ALG13: variants seen among roughly 807,000 people sequenced by gnomAD.
ALG13 encodes the protein ALG13 UDP-N-acetylglucosaminyltransferase subunit, also known as UDP-N-acetylglucosamine transferase subunit ALG13.
A neutral mutation model predicts 87.8 loss-of-function variants in ALG13; 11 were observed. The observed-to-expected ratio is 0.13, with a 90% confidence interval of 0.08 to 0.21. The LOEUF (loss-of-function observed/expected upper bound fraction) is 0.21, where lower values mean the gene tolerates loss of function less well. Ranked by LOEUF, ALG13 falls within the 10% of genes least tolerant of loss-of-function variation. The pLI is 1.00. For missense variants in ALG13, 756 were observed against 866.1 expected, an observed-to-expected ratio of 0.87 and a Z score of 1.60; for synonymous variants, 320 against 306.3, an observed-to-expected ratio of 1.04 and a Z score of -0.47.
rs948798888 is a variant in ALG13 at position 111,730,594 on chromosome X, A to G, written c.2457+14A>G. On this transcript the variant is annotated intron_variant, in intron 21 of 26. Coordinates refer to ENST00000394780, the MANE Select transcript of ALG13 (RefSeq NM_001099922.3). ...ACAGCAAACTTGGTAGGTATTTAAT[A>G]ATAGCAAAGAGTTATAGCTCCTACT... is the stretch of plus-strand genomic sequence containing the variant. 4.4e-6 allele frequency: 5 copies of G among 1,146,795 alleles called. No individual in the cohort carries two copies. In the African/African-American group the frequency reaches 7.2e-5, roughly 16 times the overall value. 94.5% of individuals were successfully genotyped at this position (1,146,795 alleles called of 1,213,427 possible).
At chrX:111,750,949 G>A (rs1046568287) in intron 24 of ALG13, among the ~76,000 whole-genome samples, 59 of 110,413 alleles carry the variant, frequency 5.3e-4, no homozygotes, top group African/African-American at 1.9e-3. Context: ...GATTACAGGC[G>A]TGAGCCACTG....
At chrX:111,742,521 G>C (rs1037351052) in intron 23 of ALG13, among the ~76,000 whole-genome samples, 1 of 110,900 alleles carries the variant, frequency 9.0e-6, no homozygotes, top group African/African-American at 3.3e-5. Flanking sequence ...TAAAAAATTT[G>C]AGAACAAAGT....
intron 23 of ALG13, among the ~76,000 whole-genome samples, chrX:111,739,352 A>C (rs1266018853): frequency 4.5e-5 from 5 of 112,081 alleles, no homozygotes; most frequent in Non-Finnish European, 9.4e-5. Flanking sequence ...GGGGATTACA[A>C]CTCAGTTTAC....
intron 8 of ALG13, 55 bp downstream of exon 8, chrX:111,713,352 G>T (rs962776583): frequency 1.6e-5 from 13 of 807,016 alleles, no homozygotes; most frequent in Non-Finnish European, 2.0e-5. Flanking sequence ...GATGCTTCTG[G>T]CTTGCCTGGA....
chrX:111,718,154 A>G lies in ALG13; in HGVS notation c.1130A>G (p.Asp377Gly). The G allele has an allele frequency of 8.6e-7, 1 of 1,166,801 alleles. No individual in the cohort carries two copies. Among genetic ancestry groups the G allele is most frequent in the East Asian group, 3.2e-5 (1 of 30,996 alleles). The change falls in exon 10 of 27, where the codon GAT becomes GGT. Residue 377 changes from aspartate to glycine, a missense_variant. By Grantham distance (94) the Asp-to-Gly change is moderately conservative (BLOSUM62 -1). Coordinates refer to ENST00000394780, the MANE Select transcript of ALG13 (RefSeq NM_001099922.3). ...CTCTATAAAGATGTGTTTGTTGTGG[A>G]TGAAGAAGAGTTGAAGACTGCGATT... ...EILYKDVFVV[D>G]EEELKTAIKL... is the part of the protein sequence containing the mutation.
rs898585369 is a variant in ALG13, at chrX:111,726,704, C to T, written c.1730-105C>T. 1.2e-5 allele frequency: 11 copies of T among 924,843 alleles called. No homozygotes were observed. The African/African-American group carries it at 2.0e-4, about 17-fold the overall frequency. The allele number at this position is 924,843 out of a possible 1,213,427, so 76.2% of individuals were successfully genotyped here. A position where few individuals can be genotyped will look rare whatever the true frequency, so the allele number is the denominator to read the frequency against. ...CTCCCTATGTTTATTTGGTTTGTTC[C>T]TAGGGGAAGCATTGGAAAGTTTAAG... On this transcript the variant is annotated intron_variant, in intron 15 of 26. Coordinates refer to ENST00000394780, the MANE Select transcript of ALG13 (RefSeq NM_001099922.3).
At chrX:111,758,111 A>G (rs1353153037) in intron 26 of ALG13, among the ~76,000 whole-genome samples, 2 of 111,997 alleles carry the variant, frequency 1.8e-5, no homozygotes, top group Non-Finnish European at 3.8e-5. Context: ...CCATGGTACA[A>G]AAATGCCAAT....
intron 6 of ALG13, 31 bp downstream of exon 6, chrX:111,711,756 C>A: frequency 8.6e-7 from 1 of 1,160,110 alleles, no homozygotes; most frequent in Non-Finnish European, 1.2e-6. Flanking sequence ...TTAATCTTTT[C>A]AGAGTTATTT....
In ALG13 at chrX:111,737,334, T is replaced by C. The variant is rs56166430; in HGVS notation, c.2695+455T>C. On this transcript the variant is annotated intron_variant, in intron 23 of 26. Coordinates refer to ENST00000394780, the MANE Select transcript of ALG13 (RefSeq NM_001099922.3). ...GTTAGAATCCTGGTTTTACAACTTA[T>C]TGTGTAATTTTGCACAAATTATTGA... is the stretch of plus-strand genomic sequence containing the variant. Among the ~76,000 whole-genome samples, 856 of 112,197 alleles carry C rather than the reference T, an allele frequency of 7.6e-3. 3 individuals carry two copies. Among genetic ancestry groups the C allele is most frequent in the East Asian group, 0.025 (90 of 3,572 alleles).
intron 24 of ALG13, among the ~76,000 whole-genome samples, chrX:111,751,361 C>G (rs1944731942): frequency 8.9e-6 from 1 of 112,042 alleles, no homozygotes; most frequent in Admixed American, 9.4e-5. Flanking sequence ...GCCACCACGC[C>G]CGGCCATAAG....
Position 111,724,946 on chromosome X carries a change from A to T in ALG13, c.1614A>T (p.Pro538=). ...TTTAACTTTTAAGGCATGTTGTTCC[A>T]CTGGCTAACTTAAAACCAGTTACCC... is the stretch of plus-strand genomic sequence containing the variant. ...IEELAEKHVV[P]LANLKPVTQV... Residue 538 remains proline, a synonymous_variant, in exon 15 of 27, where the codon CCA becomes CCT. Coordinates refer to ENST00000394780, the MANE Select transcript of ALG13 (RefSeq NM_001099922.3). 8.3e-7 allele frequency: 1 copy of T among 1,210,504 alleles called. No individual in the cohort carries two copies.
rs762359925 is a variant in ALG13 at position 111,713,257 on chromosome X, A to G, written c.965A>G (p.Lys322Arg). 5.8e-6 allele frequency: 7 copies of G among 1,199,236 alleles called. No individual in the cohort carries two copies. Among genetic ancestry groups the G allele is most frequent in the East Asian group, 3.0e-5 (1 of 33,703 alleles). The change falls in exon 8 of 27, where the codon AAA becomes AGA. Residue 322 changes from lysine (K) to arginine (R), a missense_variant. Physicochemically the swap from Lys to Arg is conservative, Grantham distance 26. This residue lies in a region of ALG13 where 60 missense variants were observed against 54.5 expected (regional missense o/e 1.10). Transcript: ENST00000394780. ...TTCATTCTTTATCGCTTTCCTGGAA[A>G]ACCTCCAACTTATGTCACAGATAAT... ...RDFILYRFPG[K>R]PPTYVTDNGY...
chrX:111,726,885 G>C lies in ALG13; in HGVS notation c.1806G>C (p.Met602Ile). Residue 602 changes from methionine (M) to isoleucine (I), a missense_variant, in exon 16 of 27, where the codon ATG (methionine) becomes ATC (isoleucine). By Grantham distance (10) the Met-to-Ile change is conservative. Around this residue, in one of 9 missense-constraint regions of ALG13, gnomAD observed 362 missense variants for 383.5 expected, o/e 0.94. Coordinates refer to ENST00000394780, the MANE Select transcript of ALG13 (RefSeq NM_001099922.3). ...GAGGGAAAGAAGTTTACATGACTATGGCTTACGGCAAGGGAGACCCCCTCC... is the reference window on the plus strand; with the variant it reads ...GAGGGAAAGAAGTTTACATGACTATCGCTTACGGCAAGGGAGACCCCCTCC... ...KIRGKEVYMT[M>I]AYGKGDPLLP... The C allele has an allele frequency of 8.3e-7, 1 of 1,211,281 alleles. No individual in the cohort carries two copies. The highest frequency in any genetic ancestry group is 3.0e-5 in the East Asian group (1 of 33,824).
chrX:111,735,689 A>T (rs1943165639), intron 22 of ALG13, among the ~76,000 whole-genome samples: 1 of 111,223 alleles, frequency 9.0e-6, no homozygotes, highest in Non-Finnish European at 1.9e-5. Context: ...CCAAGAGGTC[A>T]AGCAACATAA....
At chrX:111,726,685 A>G (rs973650517) in intron 15 of ALG13, 124 bp from the exon 16 acceptor site, 108 of 757,920 alleles carry the variant, frequency 1.4e-4, no homozygotes, top group Non-Finnish European at 1.9e-4. Flanking sequence ...TTCCCTCCCT[A>G]TGTTTATTTG....
Position 111,727,391 on chromosome X carries a change from C to A in ALG13, c.2036C>A (p.Pro679Gln). 1 of 1,209,870 alleles carries A rather than the reference C, an allele frequency of 8.3e-7. No homozygotes were observed. The highest frequency in any genetic ancestry group is 1.1e-6 in the Non-Finnish European group (1 of 894,469). ...NMPGPKVDFY[P>Q]GPGKRCCQSY... ...CCGGGCCCTAAAGTTGATTTTTACCCAGGCCCAGGTAAAAGGTGCTGCCAG... is the reference window on the plus strand; with the variant it reads ...CCGGGCCCTAAAGTTGATTTTTACCAAGGCCCAGGTAAAAGGTGCTGCCAG... The change falls in exon 17 of 27, where the codon CCA becomes CAA. Residue 679 changes from proline to glutamine, a missense_variant. Pro to Gln is a moderately conservative substitution (Grantham distance 76, BLOSUM62 -1). Around this residue, in one of 9 missense-constraint regions of ALG13, gnomAD observed 362 missense variants for 383.5 expected, o/e 0.94. Transcript: ENST00000394780.
intron 2 of ALG13, 93 bp from the exon 3 acceptor site, chrX:111,684,872 A>T: frequency 1.2e-6 from 1 of 855,924 alleles, no homozygotes; most frequent in Non-Finnish European, 1.6e-6. Flanking sequence ...CTGTCAACTT[A>T]AGTTTTTTAA....
At chrX:111,745,050 G>A in intron 24 of ALG13, 146 bp downstream of exon 24, 3 of 518,571 alleles carry the variant, frequency 5.8e-6, no homozygotes, top group Non-Finnish European at 9.8e-6. Context: ...CTAAGGAAAG[G>A]AGCAATTAAA....
At chrX:111,703,390 T>C (rs1304876879) in intron 3 of ALG13, among the ~76,000 whole-genome samples, 2 of 111,873 alleles carry the variant, frequency 1.8e-5, no homozygotes, top group Non-Finnish European at 3.8e-5. Flanking sequence ...TACTTAACTG[T>C]TAAATTTAAA....
Sources: gnomAD v4.1 joint callset for allele counts (sites outside exome capture counted in the v4.1 genomes callset) on GRCh38, gnomAD v4.1.1 for gene constraint, gnomAD v4.1.1 regional missense constraint, MANE v1.5 for transcripts, NCBI Gene and HGNC (gene_info 2026-07-23, HGNC 2026-07-21) for gene names.